ISM1: variants seen among roughly 807,000 people sequenced by gnomAD.
ISM1 encodes isthmin-1.
ISM1 carries 25 observed loss-of-function variants against 46.3 expected under a neutral mutation model. That is an observed-to-expected ratio of 0.54 (90% CI 0.39 to 0.75). The LOEUF (loss-of-function observed/expected upper bound fraction) is 0.75. Ranked by LOEUF, ISM1 falls within the 30% of genes least tolerant of loss-of-function variation. ISM1 has a pLI of 0.00. For synonymous variants in ISM1, 255 were observed against 256.7 expected, an observed-to-expected ratio of 0.99 and a Z score of 0.06; for missense variants, 536 against 625.4, an observed-to-expected ratio of 0.86 and a Z score of 1.52.
intron 5 of ISM1, among the ~76,000 whole-genome samples, chr20:13,292,781 C>G (rs1257997979): frequency 1.3e-5 from 2 of 152,174 alleles, no homozygotes; most frequent in South Asian, 2.1e-4. Context: ...TCTGTTCTTA[C>G]TCAGCCTTCA....
At chr20:13,260,170 C>T (rs925362406) in intron 1 of ISM1, among the ~76,000 whole-genome samples, 2 of 152,216 alleles carry the variant, frequency 1.3e-5, no homozygotes, top group Admixed American at 6.5e-5. Context: ...GGAACAGGTG[C>T]CGGTGGCAGG....
chr20:13,317,135 C>A, the ISM1 span, among the ~76,000 whole-genome samples: 3 of 151,604 alleles, frequency 2.0e-5, no homozygotes, highest in African/African-American at 7.3e-5. Flanking sequence ...TGCTGTATAC[C>A]AACAATGAAC....
intron 3 of ISM1, 107 bp downstream of exon 3, chr20:13,280,005 C>T (rs2040221200): frequency 4.4e-6 from 5 of 1,124,066 alleles, no homozygotes; most frequent in Non-Finnish European, 6.2e-6. Context: ...GGCTTTTGGT[C>T]TTCTGTGAGG....
rs1194364877 is a variant in ISM1, at chr20:13,300,294, T to A, written c.*835T>A. The A allele has an allele frequency of 6.6e-6, 1 of 152,158 alleles. No homozygotes were observed. The highest frequency in any genetic ancestry group is 1.5e-5 in the Non-Finnish European group (1 of 68,034). 9.4% of individuals were successfully genotyped at this position (152,158 alleles called of 1,614,324 possible). A position where few individuals can be genotyped will look rare whatever the true frequency, so the allele number is the denominator to read the frequency against. On this transcript the variant is annotated 3_prime_UTR_variant, in exon 6 of 6. Transcript: ENST00000262487. Reference sequence around the variant, plus strand: ...CAGATGTAAAAACAAGAAGTAGCACTTTTCCAAAGGAAAACAACAAAACAA... The same window carrying A: ...CAGATGTAAAAACAAGAAGTAGCACATTTCCAAAGGAAAACAACAAAACAA...
chr20:13,324,060 C>T, the ISM1 span, among the ~76,000 whole-genome samples: 4 of 152,134 alleles, frequency 2.6e-5, no homozygotes, highest in African/African-American at 7.2e-5. Context: ...TATTATAAGT[C>T]GAGAAGTATT....
rs1319432328 is a variant in ISM1 at position 13,300,347 on chromosome 20, C to T, written c.*888C>T. On this transcript the variant is annotated 3_prime_UTR_variant, in exon 6 of 6. Coordinates refer to ENST00000262487, the MANE Select transcript of ISM1 (RefSeq NM_080826.2). ...GGGAAAAAGATAATGGACCGCATTT[C>T]ACCTATTTTAATACTATTTTAACAA... The T allele has an allele frequency of 6.6e-6, 1 of 152,058 alleles. No individual in the cohort carries two copies. Among genetic ancestry groups the T allele is most frequent in the Non-Finnish European group, 1.5e-5 (1 of 68,022 alleles). 9.4% of individuals were successfully genotyped at this position (152,058 alleles called of 1,614,324 possible).
chr20:13,254,784 T>G (rs552749721), intron 1 of ISM1, among the ~76,000 whole-genome samples: 11 of 152,310 alleles, frequency 7.2e-5, no homozygotes, highest in Middle Eastern at 3.4e-3. Flanking sequence ...TGCCAGAGCT[T>G]CTTCTCATCC....
Position 13,288,705 on chromosome 20 carries a change from G to A in ISM1, c.787+22G>A, listed in dbSNP as rs756889291. On this transcript the variant is annotated intron_variant, in intron 4 of 5. Coordinates refer to ENST00000262487, the MANE Select transcript of ISM1 (RefSeq NM_080826.2). Reference sequence around the variant, plus strand: ...CCAGGTGCGTTTACCTGAGTGTGTAGCTCCAAGTTCAAGGGGAAAGCTTTT... The same window carrying A: ...CCAGGTGCGTTTACCTGAGTGTGTAACTCCAAGTTCAAGGGGAAAGCTTTT... 6.3e-6 allele frequency: 10 copies of A among 1,596,420 alleles called. No homozygotes were observed. In the African/African-American group the frequency reaches 1.2e-4, roughly 19 times the overall value.
chr20:13,322,831 T>C, the ISM1 span, among the ~76,000 whole-genome samples: 1 of 152,060 alleles, frequency 6.6e-6, no homozygotes, highest in Non-Finnish European at 1.5e-5. Context: ...TTGAAAACAG[T>C]CCTGGCAAAG....
chr20:13,261,879 G>C (rs1166456085), intron 1 of ISM1, among the ~76,000 whole-genome samples: 3 of 152,192 alleles, frequency 2.0e-5, no homozygotes, highest in Non-Finnish European at 4.4e-5. Context: ...TTAATTTCCA[G>C]GTTCTCCCTC....
the ISM1 span, among the ~76,000 whole-genome samples, chr20:13,316,931 C>G: frequency 6.6e-6 from 1 of 151,512 alleles, no homozygotes; most frequent in Non-Finnish European, 1.5e-5. Context: ...CAAGTCCTAT[C>G]TAATGCAATA....
chr20:13,223,957 A>T (rs2039482855), intron 1 of ISM1, among the ~76,000 whole-genome samples: 1 of 152,076 alleles, frequency 6.6e-6, no homozygotes, highest in African/African-American at 2.4e-5. Context: ...TTCCGCTTGA[A>T]CAGTAAGGTA....
intron 1 of ISM1, among the ~76,000 whole-genome samples, chr20:13,266,036 A>C (rs2040039394): frequency 6.6e-6 from 1 of 152,182 alleles, no homozygotes; most frequent in African/African-American, 2.4e-5. Flanking sequence ...GAGAAAGGCA[A>C]ATGGCAAAAC....
At chr20:13,267,373 T>C (rs925845309) in intron 1 of ISM1, among the ~76,000 whole-genome samples, 1 of 152,220 alleles carries the variant, frequency 6.6e-6, no homozygotes, top group Non-Finnish European at 1.5e-5. Flanking sequence ...AGCCAAAACA[T>C]ACTTCAGCCC....
At chr20:13,287,791 TG>T (rs1333470369) in intron 3 of ISM1, among the ~76,000 whole-genome samples, 5 of 152,194 alleles carry the variant, frequency 3.3e-5, no homozygotes, top group Non-Finnish European at 5.9e-5. Context: ...TCACCATTAA[TG>T]TATCGGTAAT....
At chr20:13,320,976 A>G in the ISM1 span, among the ~76,000 whole-genome samples, 2 of 152,016 alleles carry the variant, frequency 1.3e-5, no homozygotes, top group Non-Finnish European at 2.9e-5. Context: ...AGGCTGGTGG[A>G]TCAGTTGGGG....
chr20:13,250,252 C>T (rs1359383134), intron 1 of ISM1, among the ~76,000 whole-genome samples: 1 of 152,130 alleles, frequency 6.6e-6, no homozygotes, highest in Non-Finnish European at 1.5e-5. Flanking sequence ...ACACTGGGTA[C>T]TGTGTCCAAT....
chr20:13,308,441 G>A, the ISM1 span, among the ~76,000 whole-genome samples: 475 of 152,166 alleles, frequency 3.1e-3, no homozygotes, highest in Middle Eastern at 0.014. Context: ...TACCATCACC[G>A]CTTATGGTGT....
chr20:13,315,451 G>A, the ISM1 span, among the ~76,000 whole-genome samples: 169 of 152,118 alleles, frequency 1.1e-3, no homozygotes, highest in African/African-American at 3.9e-3. Flanking sequence ...GAGTTGTTAC[G>A]TGATGATAAA....
Sources: allele counts gnomAD v4.1 joint callset (sites outside exome capture counted in the v4.1 genomes callset), GRCh38; gene constraint gnomAD v4.1.1; transcripts MANE v1.5; gene names NCBI Gene and HGNC (gene_info 2026-07-23, HGNC 2026-07-21).